The following MMP16 variants were observed in gnomAD, a reference collection of about 807,000 sequenced individuals.
The protein encoded by MMP16 is matrix metallopeptidase 16, also known as matrix metalloproteinase-16.
A neutral mutation model predicts 67.8 loss-of-function variants in MMP16; 12 were observed. The ratio of observed to expected loss-of-function variants is 0.18; its 90% CI spans 0.11 to 0.29. The LOEUF (loss-of-function observed/expected upper bound fraction) is 0.29, where lower values mean the gene tolerates loss of function less well. Among genes scored for constraint, MMP16 ranks in the 10% least tolerant of loss-of-function variants. The pLI is 1.00. For synonymous variants in MMP16, 249 were observed against 255.9 expected (o/e 0.97, Z 0.26); for missense variants, 475 against 765.7 (o/e 0.62, Z 4.48).
intron 1 of MMP16, among the ~76,000 whole-genome samples, chr8:88,307,775 G>C (rs932944051): frequency 6.6e-6 from 1 of 152,004 alleles, no homozygotes; most frequent in African/African-American, 2.4e-5. Flanking sequence ...GCAAAATTAA[G>C]TGTGAATGAT....
chr8:88,161,928 T>C (rs1048437136), intron 4 of MMP16, among the ~76,000 whole-genome samples: 8 of 152,120 alleles, frequency 5.3e-5, no homozygotes, highest in African/African-American at 1.9e-4. Flanking sequence ...GACAGTTTGT[T>C]ATAATTTCTG....
At chr8:88,238,663 T>TAAAAAA (rs34127125) in intron 1 of MMP16, among the ~76,000 whole-genome samples, 15 of 99,890 alleles carry the variant, frequency 1.5e-4, no homozygotes, top group Non-Finnish European at 2.3e-4. Context: ...AAGACTCTGT[T>TAAAAAA]AAAAAAAAAA....
In MMP16 at chr8:88,080,133, G is replaced by A. The variant is rs1304957967; in HGVS notation, c.1084-5390C>T. On this transcript the variant is annotated intron_variant, in intron 6 of 9. Transcript: ENST00000286614. ...ATATGCTCCACAAGAATGGGGCAGT[G>A]CGTATTTTCCTTATCGCTGGATTAC... 2.6e-5 allele frequency among the ~76,000 whole-genome samples: 4 copies of A among 152,286 alleles called. No homozygotes were observed. The East Asian group carries it at 7.7e-4, about 29-fold the overall frequency.
chr8:88,289,099 A>G (rs1009193378), intron 1 of MMP16, among the ~76,000 whole-genome samples: 2 of 152,070 alleles, frequency 1.3e-5, no homozygotes, highest in Admixed American at 6.6e-5. Context: ...ATCAGATGGT[A>G]CAGCCCAGAA....
intron 8 of MMP16, among the ~76,000 whole-genome samples, chr8:88,055,908 C>G (rs556195701): frequency 6.6e-6 from 1 of 152,114 alleles, no homozygotes; most frequent in Admixed American, 6.5e-5. Context: ...AAAACATATG[C>G]TAGGTATACA....
intron 4 of MMP16, among the ~76,000 whole-genome samples, chr8:88,140,840 C>T (rs1808200414): frequency 6.6e-6 from 1 of 152,034 alleles, no homozygotes; most frequent in African/African-American, 2.4e-5. Context: ...AAATCAGACT[C>T]TGCGCTTAAA....
At chr8:88,095,214 ATT>A (rs1324025476) in intron 6 of MMP16, among the ~76,000 whole-genome samples, 3 of 151,900 alleles carry the variant, frequency 2.0e-5, no homozygotes, top group African/African-American at 7.2e-5. Context: ...TTGCCTTGAA[ATT>A]TGACTTAAAT....
At chr8:88,145,964 A>T (rs916032274) in intron 4 of MMP16, among the ~76,000 whole-genome samples, 3 of 151,986 alleles carry the variant, frequency 2.0e-5, no homozygotes, top group Non-Finnish European at 4.4e-5. Flanking sequence ...ACAATGAATT[A>T]TCTGTTCCAA....
chr8:88,066,737 C>T (rs1808468197), intron 7 of MMP16, among the ~76,000 whole-genome samples: 1 of 152,044 alleles, frequency 6.6e-6, no homozygotes, highest in Non-Finnish European at 1.5e-5. Context: ...CCACACATGT[C>T]TACACATGCG....
intron 1 of MMP16, among the ~76,000 whole-genome samples, chr8:88,270,415 C>T (rs765398264): frequency 5.9e-5 from 9 of 152,076 alleles, no homozygotes; most frequent in Admixed American, 1.3e-4. Context: ...ATAGCGTATT[C>T]CCACTGCAAC....
At chr8:88,104,508 C>T (rs1363455665) in intron 6 of MMP16, among the ~76,000 whole-genome samples, 1 of 151,576 alleles carries the variant, frequency 6.6e-6, no homozygotes, top group Non-Finnish European at 1.5e-5. Context: ...CGTCATAGTG[C>T]AATGCATTAC....
intron 6 of MMP16, among the ~76,000 whole-genome samples, chr8:88,091,631 T>A (rs1438821697): frequency 6.6e-6 from 1 of 151,862 alleles, no homozygotes; most frequent in Non-Finnish European, 1.5e-5. Flanking sequence ...AAGAGATAGA[T>A]TCTAGTTTAC....
chr8:88,055,358 C>T (rs902360101), intron 8 of MMP16, among the ~76,000 whole-genome samples: 1 of 152,118 alleles, frequency 6.6e-6, no homozygotes, highest in African/African-American at 2.4e-5. Flanking sequence ...CAAGCATGTG[C>T]CAAAACGCCT....
chr8:88,178,834 ATATTTCAC>A (rs1808933876), intron 3 of MMP16, among the ~76,000 whole-genome samples: 1 of 151,944 alleles, frequency 6.6e-6, no homozygotes, highest in Non-Finnish European at 1.5e-5. Flanking sequence ...GTGTTATTGG[ATATTTCAC>A]TTTGAATTAA....
chr8:88,265,758 T>C (rs1208939957), intron 1 of MMP16, among the ~76,000 whole-genome samples: 1 of 152,186 alleles, frequency 6.6e-6, no homozygotes, highest in Non-Finnish European at 1.5e-5. Context: ...TGGAAAATAA[T>C]GTAACTAGAA....
chr8:88,053,080 AT>A (rs1225690107), intron 8 of MMP16, among the ~76,000 whole-genome samples: 1 of 152,208 alleles, frequency 6.6e-6, no homozygotes, highest in African/African-American at 2.4e-5. Context: ...GCATTTTTGA[AT>A]GAATGAAATG....
intron 1 of MMP16, among the ~76,000 whole-genome samples, chr8:88,296,659 C>A (rs538795316): frequency 1.3e-5 from 2 of 151,738 alleles, no homozygotes; most frequent in African/African-American, 4.8e-5. Context: ...CATGGCAAAA[C>A]CCTTTCTCTA....
At chr8:88,276,909 T>G (rs187514612) in intron 1 of MMP16, among the ~76,000 whole-genome samples, 1 of 152,164 alleles carries the variant, frequency 6.6e-6, no homozygotes. Flanking sequence ...GTTGAATGTA[T>G]AAATCACAAA....
chr8:88,327,390 C>A lies in MMP16; in HGVS notation c.-184G>T. On this transcript the variant is annotated 5_prime_UTR_variant, in exon 1 of 10. Transcript: ENST00000286614. Reference sequence around the variant, plus strand: ...GCGCTCGGCAGCCCCCGAGAGGCAGCGGCGAAGACAGGGTCAGCAGTAGTT... The same window carrying A: ...GCGCTCGGCAGCCCCCGAGAGGCAGAGGCGAAGACAGGGTCAGCAGTAGTT... 4 of 621,404 alleles carry A rather than the reference C, an allele frequency of 6.4e-6. No homozygotes were observed. Among genetic ancestry groups the A allele is most frequent in the Non-Finnish European group, 5.5e-6 (2 of 363,122 alleles). 38.5% of individuals were successfully genotyped at this position (621,404 alleles called of 1,614,324 possible).
Sources: gnomAD v4.1 joint callset for allele counts (sites outside exome capture counted in the v4.1 genomes callset) on GRCh38, gnomAD v4.1.1 for gene constraint, MANE v1.5 for transcripts, NCBI Gene and HGNC (gene_info 2026-07-23, HGNC 2026-07-21) for gene names.